RBBP8: variants seen among roughly 807,000 people sequenced by gnomAD.
RBBP8 encodes the protein DNA endonuclease RBBP8.
Under a neutral mutation model 108.3 loss-of-function variants are expected in RBBP8, and 88 were observed. The ratio of observed to expected loss-of-function variants is 0.81; its 90% confidence interval spans 0.68 to 0.97. The LOEUF is 0.97. Ranked by LOEUF, RBBP8 falls within the 50% of genes least tolerant of loss-of-function variation. RBBP8 has a pLI of 0.00. For missense variants in RBBP8, 1,023 were observed against 1,049.0 expected, an observed-to-expected ratio of 0.98 and a Z score of 0.34; for synonymous variants, 332 against 348.2, an observed-to-expected ratio of 0.95 and a Z score of 0.52.
intron 1 of RBBP8, among the ~76,000 whole-genome samples, chr18:22,935,825 C>T (rs531927811): frequency 6.5e-4 from 99 of 152,316 alleles, no homozygotes; most frequent in African/African-American, 2.2e-3. Flanking sequence ...TAATGATTCA[C>T]CTTTATTCTA....
chr18:22,927,121 A>G (rs1316447226), intron 3 of RBBP8, among the ~76,000 whole-genome samples: 1 of 152,022 alleles, frequency 6.6e-6, no homozygotes, highest in Admixed American at 6.5e-5. Context: ...CTTTTGTCTT[A>G]AAGTTTCTTT....
At chr18:22,976,613 G>T (rs1489546512) in intron 6 of RBBP8, among the ~76,000 whole-genome samples, 6 of 151,986 alleles carry the variant, frequency 3.9e-5, no homozygotes, top group African/African-American at 7.2e-5. Context: ...TATATGTTCT[G>T]TATTACTGTA....
At position 22,969,692 on chromosome 18, in the gene RBBP8, A is replaced by G. The variant is rs115773218; in HGVS notation, c.361+774A>G. 6.1e-3 allele frequency among the ~76,000 whole-genome samples: 930 copies of G among 152,234 alleles called. 6 individuals are homozygous for G. The highest frequency in any genetic ancestry group is 0.022 in the African/African-American group (903 of 41,542). On this transcript the variant is annotated intron_variant, in intron 5 of 18. Coordinates refer to ENST00000327155, the MANE Select transcript of RBBP8 (RefSeq NM_002894.3). ...AACTACTGTTAATAGTCTGATACAT[A>G]TCTGTCCAGGTCCAGGTTTTTCTGT...
intron 8 of RBBP8, among the ~76,000 whole-genome samples, chr18:22,988,019 C>T (rs1176727809): frequency 6.6e-6 from 1 of 152,152 alleles, no homozygotes; most frequent in Non-Finnish European, 1.5e-5. Flanking sequence ...TTGAGTCATC[C>T]TAGATTTCTG....
rs1915809101 is a variant in RBBP8 at position 22,993,075 on chromosome 18, A to G, written c.1248A>G (p.Leu416=). Residue 416 remains leucine, a synonymous_variant, in exon 11 of 19, where the codon CTA becomes CTG. Transcript: ENST00000327155. ...ILINKNISES[L]GEQNRTEYGK... is the part of the protein sequence containing the mutation. ...TAAATAAAAATATAAGTGAATCCCT[A>G]GGTGAACAGAATAGGACTGAGTACG... 1 of 1,613,436 alleles carries G rather than the reference A, an allele frequency of 6.2e-7. No homozygotes were observed. The highest frequency in any genetic ancestry group is 8.5e-7 in the Non-Finnish European group (1 of 1,179,444).
chr18:22,931,954 G>A (rs1397668975), upstream of RBBP8, among the ~76,000 whole-genome samples: 3 of 152,168 alleles, frequency 2.0e-5, no homozygotes, highest in Non-Finnish European at 4.4e-5. Context: ...ATGTGGAAAG[G>A]AGCCTAGCAG....
chr18:22,934,087 C>T (rs926332746), intron 1 of RBBP8: 1 of 152,334 alleles, frequency 6.6e-6, no homozygotes, highest in African/African-American at 2.4e-5. Context: ...TGGTGAGCAC[C>T]TGCAGTGTAG....
chr18:23,003,598 G>A (rs753936210), intron 15 of RBBP8, among the ~76,000 whole-genome samples: 2 of 152,140 alleles, frequency 1.3e-5, no homozygotes, highest in South Asian at 2.1e-4. Flanking sequence ...AGATGCTAGC[G>A]TTTAGCTATT....
Position 22,997,672 on chromosome 18 carries a change from T to G in RBBP8, c.2081T>G (p.Leu694Trp). ...GAGACAGTGGACATGGACTGTACAT[T>G]GGTTAGTGAAACCGTTCTCTTAAAA... ...GGETVDMDCT[L>W]VSETVLLKMK... The change falls in exon 14 of 19, where the codon TTG becomes TGG. Residue 694 changes from leucine to tryptophan, a missense_variant. By Grantham distance (61) the Leu-to-Trp change is moderately conservative. Transcript: ENST00000327155. 6.2e-7 allele frequency: 1 copy of G among 1,611,100 alleles called. No homozygotes were observed. The highest frequency in any genetic ancestry group is 2.2e-5 in the East Asian group (1 of 44,796).
At chr18:22,966,324 C>T (rs1166495556) in intron 4 of RBBP8, among the ~76,000 whole-genome samples, 2 of 152,102 alleles carry the variant, frequency 1.3e-5, no homozygotes, top group African/African-American at 4.8e-5. Context: ...ATCATGATGC[C>T]TAGCTGTTTG....
rs12958492 is a variant in RBBP8 at position 22,988,974 on chromosome 18, G to A, written c.710-247G>A. Among the ~76,000 whole-genome samples, 74,089 of 152,014 alleles carry A rather than the reference G, an allele frequency of 0.49. 21,335 individuals are homozygous for A. The highest frequency in any genetic ancestry group is 0.66 in the Middle Eastern group (193 of 292). The stretch of plus-strand genomic sequence containing the variant: ...CAATAAGAAAAATTATCTACCTATT[G>A]CATTCAGTTCATTTAGGAAAAACAT... On this transcript the variant is annotated intron_variant, in intron 8 of 18. Coordinates refer to ENST00000327155, the MANE Select transcript of RBBP8 (RefSeq NM_002894.3).
chr18:22,984,925 A>G lies in RBBP8; in HGVS notation c.644A>G (p.His215Arg). Residue 215 changes from histidine (H) to arginine (R), a missense_variant, in exon 8 of 19, where the codon CAT becomes CGT. Coordinates refer to ENST00000327155, the MANE Select transcript of RBBP8 (RefSeq NM_002894.3). Reference sequence around the variant, plus strand: ...TCCAAGTCTTCAACTCATCCACAACATAATCCTAATGAAAATGAAATTCTA... The same window carrying G: ...TCCAAGTCTTCAACTCATCCACAACGTAATCCTAATGAAAATGAAATTCTA... Reference protein sequence around the residue: ...KVSKSSTHPQHNPNENEILVA... With the variant: ...KVSKSSTHPQRNPNENEILVA... The G allele has an allele frequency of 6.2e-7, 1 of 1,611,488 alleles. No individual in the cohort carries two copies. The highest frequency in any genetic ancestry group is 8.5e-7 in the Non-Finnish European group (1 of 1,178,112).
intron 4 of RBBP8, among the ~76,000 whole-genome samples, chr18:22,954,644 G>C (rs1040440039): frequency 3.9e-5 from 6 of 152,156 alleles, no homozygotes; most frequent in Non-Finnish European, 8.8e-5. Context: ...CTGGGGTCTG[G>C]AGGATGATGG....
At chr18:23,022,303 T>C in intron 18 of RBBP8, 33 bp downstream of exon 18, 1 of 1,565,390 alleles carries the variant, frequency 6.4e-7, no homozygotes, top group Non-Finnish European at 8.8e-7. Context: ...TTTATAATTA[T>C]TTTTTTTAAA....
chr18:23,013,536 G>T (rs1251959994), intron 16 of RBBP8, among the ~76,000 whole-genome samples: 3 of 152,274 alleles, frequency 2.0e-5, no homozygotes. Flanking sequence ...AGCAATTGAG[G>T]TTAGAAATCC....
chr18:22,946,419 A>G, intron 2 of RBBP8, 25 bp from the exon 3 acceptor site: 1 of 1,611,140 alleles, frequency 6.2e-7, no homozygotes, highest in Non-Finnish European at 8.5e-7. Context: ...TTGTAGAAGT[A>G]ATACCTTTTC....
chr18:22,975,495 A>T (rs1487206465), intron 6 of RBBP8, among the ~76,000 whole-genome samples: 2 of 152,052 alleles, frequency 1.3e-5, no homozygotes, highest in Non-Finnish European at 2.9e-5. Flanking sequence ...TTATATTTCA[A>T]ACAGATGTTT....
intron 3 of RBBP8, among the ~76,000 whole-genome samples, chr18:22,926,936 T>C (rs1189242107): frequency 6.6e-6 from 1 of 152,210 alleles, no homozygotes; most frequent in Non-Finnish European, 1.5e-5. Context: ...ATCTGGAATC[T>C]TGGCACCATC....
chr18:22,982,149 T>A, intron 6 of RBBP8, 69 bp from the exon 7 acceptor site: 1 of 1,506,126 alleles, frequency 6.6e-7, no homozygotes, highest in East Asian at 2.4e-5. Flanking sequence ...CTACTGTAAC[T>A]CCATGCCATG....
Sources: allele counts gnomAD v4.1 joint callset (sites outside exome capture counted in the v4.1 genomes callset), GRCh38; gene constraint gnomAD v4.1.1; transcripts MANE v1.5; gene names NCBI Gene and HGNC (gene_info 2026-07-23, HGNC 2026-07-21).